Variants in ROR1 observed in about 807,000 individuals in gnomAD.
ROR1 encodes the protein inactive tyrosine-protein kinase transmembrane receptor ROR1.
Under a neutral mutation model 78.8 loss-of-function variants are expected in ROR1, and 19 were observed. The ratio of observed to expected loss-of-function variants is 0.24; its 90% CI spans 0.17 to 0.35. The LOEUF is 0.35. Ranked by LOEUF, ROR1 falls within the 10% of genes least tolerant of loss-of-function variation. The pLI, the probability that ROR1 is intolerant of heterozygous loss-of-function variation, is 1.00. For missense variants in ROR1, 917 were observed against 1,177.8 expected (o/e 0.78, Z 3.24); for synonymous variants, 386 against 433.6 (o/e 0.89, Z 1.36).
At chr1:64,078,498 G>T (rs903236845) in intron 4 of ROR1, among the ~76,000 whole-genome samples, 5 of 152,306 alleles carry the variant, frequency 3.3e-5, no homozygotes, top group African/African-American at 1.2e-4. Context: ...GACTCGGTAG[G>T]ATAGTGCTTC....
chr1:64,102,608 G>A (rs1241776400), intron 4 of ROR1, among the ~76,000 whole-genome samples: 1 of 152,164 alleles, frequency 6.6e-6, no homozygotes, highest in East Asian at 1.9e-4. Flanking sequence ...GTGCTGTGAT[G>A]GGAATATGCA....
At chr1:63,904,415 G>GT (rs960454744) in intron 1 of ROR1, among the ~76,000 whole-genome samples, 4 of 152,162 alleles carry the variant, frequency 2.6e-5, no homozygotes, top group African/African-American at 9.7e-5. Context: ...TCCCCAGGAT[G>GT]TAAGGTGGCC....
chr1:64,114,549 G>A (rs1648241527), intron 4 of ROR1, among the ~76,000 whole-genome samples: 1 of 152,156 alleles, frequency 6.6e-6, no homozygotes, highest in Non-Finnish European at 1.5e-5. Context: ...AAAGGGTGAG[G>A]GAGACATGCT....
At chr1:63,860,858 A>G (rs910595582) in intron 1 of ROR1, among the ~76,000 whole-genome samples, 9 of 152,096 alleles carry the variant, frequency 5.9e-5, no homozygotes, top group African/African-American at 2.2e-4. Flanking sequence ...TCTAGCAAAT[A>G]GTGTTTTTGA....
chr1:64,142,687 T>C (rs2100713466), intron 7 of ROR1, 37 bp downstream of exon 7: 1 of 1,609,144 alleles, frequency 6.2e-7, no homozygotes, highest in Non-Finnish European at 8.5e-7. Context: ...TATTCAATCA[T>C]CTTTAAAGAT....
intron 1 of ROR1, among the ~76,000 whole-genome samples, chr1:63,862,895 A>AT (rs1645190840): frequency 6.6e-6 from 1 of 152,238 alleles, no homozygotes; most frequent in East Asian, 1.9e-4. Context: ...GGAGTATAGT[A>AT]TAAGCATAGT....
At chr1:63,834,357 G>T (rs1264461995) in intron 1 of ROR1, among the ~76,000 whole-genome samples, 3 of 152,032 alleles carry the variant, frequency 2.0e-5, no homozygotes, top group Non-Finnish European at 2.9e-5. Flanking sequence ...TATCTTGCCT[G>T]TATACGGATG....
chr1:63,843,631 A>C (rs583102), intron 1 of ROR1: 241,516 of 617,746 alleles, frequency 0.39, 53,111 homozygotes, highest in African/African-American at 0.8. Flanking sequence ...GACTTATGCA[A>C]CTTCATGTCG....
rs139771055 is a variant in ROR1, at chr1:63,959,502, C to T, written c.92-49803C>T. ...CAATGGCTTCAGTTGATTTCCTCAC[C>T]CTCCCCCATCGTCTGGGTTTCTTCC... On this transcript the variant is annotated intron_variant, in intron 1 of 8. Transcript: ENST00000371079. Among the ~76,000 whole-genome samples, 33 of 152,266 alleles carry T rather than the reference C, an allele frequency of 2.2e-4. No individual in the cohort carries two copies. In the East Asian group the frequency reaches 6.2e-3, roughly 28 times the overall value.
At chr1:64,137,745 T>C (rs569609620) in intron 5 of ROR1, among the ~76,000 whole-genome samples, 1 of 152,348 alleles carries the variant, frequency 6.6e-6, no homozygotes, top group African/African-American at 2.4e-5. Context: ...ATAAATATTA[T>C]TAAGTGCTTT....
chr1:63,788,543 C>A (rs566184392), intron 1 of ROR1, among the ~76,000 whole-genome samples: 1 of 151,624 alleles, frequency 6.6e-6, no homozygotes, highest in East Asian at 1.9e-4. Flanking sequence ...GGAAAGAGGC[C>A]GGCATTGATT....
At position 63,923,571 on chromosome 1, in the gene ROR1, A is replaced by C. The variant is rs1569917182; in HGVS notation, c.92-85734A>C. ...CACTTCTAAATTATGCCTTAAGCCT[A>C]TCTATATTGTGTCTAGCTACCACCT... On this transcript the variant is annotated intron_variant, in intron 1 of 8. Coordinates refer to ENST00000371079, the MANE Select transcript of ROR1 (RefSeq NM_005012.4). Among the ~76,000 whole-genome samples, 10 of 151,792 alleles carry C rather than the reference A, an allele frequency of 6.6e-5. No homozygotes were observed. The South Asian group carries it at 2.1e-3, about 32-fold the overall frequency.
At chr1:64,058,234 C>A (rs1646890097) in intron 4 of ROR1, among the ~76,000 whole-genome samples, 1 of 151,966 alleles carries the variant, frequency 6.6e-6, no homozygotes, top group Admixed American at 6.6e-5. Context: ...TTTGTGAATT[C>A]TTTAGGATTT....
At chr1:64,144,067 G>A (rs547811976) in intron 7 of ROR1, among the ~76,000 whole-genome samples, 88 of 152,302 alleles carry the variant, frequency 5.8e-4, no homozygotes, top group African/African-American at 2.0e-3. Flanking sequence ...GGAGGGACAC[G>A]TGGGCAGATT....
chr1:64,077,230 T>TAAAGGTTCTTTGATAA (rs1020780628), intron 4 of ROR1, among the ~76,000 whole-genome samples: 1 of 152,258 alleles, frequency 6.6e-6, no homozygotes, highest in African/African-American at 2.4e-5. Flanking sequence ...GTAAGGTTTT[T>TAAAGGTTCTTTGATAA]AAAGGTTCTT....
At chr1:63,787,456 T>TCCTC (rs1482067795) in intron 1 of ROR1, among the ~76,000 whole-genome samples, 1 of 133,208 alleles carries the variant, frequency 7.5e-6, no homozygotes, top group Non-Finnish European at 1.6e-5. Flanking sequence ...CTTCCTTCCT[T>TCCTC]CCTTCCTTCC....
At chr1:63,984,765 C>A (rs1323851) in intron 1 of ROR1, among the ~76,000 whole-genome samples, 9,989 of 152,200 alleles carry the variant, frequency 0.066, 414 homozygotes, top group Middle Eastern at 0.095. Flanking sequence ...CTATTCCATG[C>A]GTTGGATAGC....
At position 63,789,495 on chromosome 1, in the gene ROR1, G is replaced by C. The variant is rs185292541; in HGVS notation, c.91+14987G>C. On this transcript the variant is annotated intron_variant, in intron 1 of 8. Transcript: ENST00000371079. ...GTGAAAATAAGTCAATGTGAACATG[G>C]CAAAGAGGGACAGAGGAAGAGACTT... 4.1e-4 allele frequency among the ~76,000 whole-genome samples: 63 copies of C among 152,242 alleles called. 1 individual carries two copies. Among genetic ancestry groups the C allele is most frequent in the African/African-American group, 1.3e-3 (52 of 41,544 alleles).
At chr1:63,933,627 GT>G (rs1316357464) in intron 1 of ROR1, among the ~76,000 whole-genome samples, 1 of 152,170 alleles carries the variant, frequency 6.6e-6, no homozygotes, top group Non-Finnish European at 1.5e-5. Flanking sequence ...TGCTTTGTAC[GT>G]TTTATCTAAT....
Sources: allele counts gnomAD v4.1 joint callset (sites outside exome capture counted in the v4.1 genomes callset), GRCh38; gene constraint gnomAD v4.1.1; transcripts MANE v1.5; gene names NCBI Gene and HGNC (gene_info 2026-07-23, HGNC 2026-07-21).